Variants in TNNI3K observed in about 807,000 individuals in gnomAD.
TNNI3K encodes TNNI3 interacting kinase.
TNNI3K carries 140 observed loss-of-function variants against 114.5 expected under a neutral mutation model. The ratio of observed to expected loss-of-function variants is 1.22; its 90% CI spans 1.07 to 1.41. The LOEUF (loss-of-function observed/expected upper bound fraction) is 1.41, where lower values mean the gene tolerates loss of function less well. TNNI3K is among the 40% of genes most tolerant of loss of function. The pLI is 0.00. For synonymous variants in TNNI3K, 347 were observed against 347.5 expected, an observed-to-expected ratio of 1.00 and a Z score of 0.02; for missense variants, 1,125 against 1,007.6, an observed-to-expected ratio of 1.12 and a Z score of -1.58.
chr1:74,488,094 G>C (rs1359447514), intron 21 of TNNI3K, among the ~76,000 whole-genome samples: 1 of 152,188 alleles, frequency 6.6e-6, no homozygotes, highest in Admixed American at 6.6e-5. Flanking sequence ...ACAAAGAGTA[G>C]TGTTAGAGAG....
intron 23 of TNNI3K, among the ~76,000 whole-genome samples, chr1:74,506,002 T>C (rs1420565227): frequency 6.6e-6 from 1 of 152,218 alleles, no homozygotes; most frequent in East Asian, 1.9e-4. Flanking sequence ...TTTTGTTTTT[T>C]TGGCCTTCAT....
At chr1:74,341,417 C>T (rs923188597) in intron 7 of TNNI3K, among the ~76,000 whole-genome samples, 2 of 152,050 alleles carry the variant, frequency 1.3e-5, no homozygotes, top group Non-Finnish European at 2.9e-5. Context: ...TTTCAGCATC[C>T]CTGGAACAAT....
At chr1:74,337,004 A>G (rs904680785) in intron 7 of TNNI3K, among the ~76,000 whole-genome samples, 2 of 151,112 alleles carry the variant, frequency 1.3e-5, no homozygotes, top group Non-Finnish European at 3.0e-5. Context: ...CATCCTCTCC[A>G]GCACCTGTTG....
intron 20 of TNNI3K, among the ~76,000 whole-genome samples, chr1:74,445,584 T>G (rs1193897859): frequency 4.0e-5 from 6 of 151,056 alleles, no homozygotes; most frequent in Non-Finnish European, 4.4e-5. Flanking sequence ...TATTCCATGG[T>G]GTATATGTTC....
At chr1:74,474,345 C>G (rs1668078455) in intron 21 of TNNI3K, among the ~76,000 whole-genome samples, 1 of 152,172 alleles carries the variant, frequency 6.6e-6, no homozygotes, top group South Asian at 2.1e-4. Context: ...TGTGTGAAAT[C>G]ATCAACCCCC....
intron 23 of TNNI3K, among the ~76,000 whole-genome samples, chr1:74,526,195 G>A (rs1646502450): frequency 6.6e-6 from 1 of 152,132 alleles, no homozygotes; most frequent in African/African-American, 2.4e-5. Context: ...AAGAACAAAG[G>A]AACATGGAAT....
At chr1:74,284,268 C>G (rs1007893146) in intron 5 of TNNI3K, among the ~76,000 whole-genome samples, 4 of 152,086 alleles carry the variant, frequency 2.6e-5, no homozygotes, top group African/African-American at 9.7e-5. Flanking sequence ...AGTTGTTCTT[C>G]TTGATGACTC....
intron 20 of TNNI3K, among the ~76,000 whole-genome samples, chr1:74,455,204 A>T (rs186053614): frequency 6.6e-6 from 1 of 152,288 alleles, no homozygotes; most frequent in East Asian, 1.9e-4. Flanking sequence ...AAACTGGAGG[A>T]AGTAAAAGGA....
chr1:74,329,227 G>A (rs905705636), intron 5 of TNNI3K, among the ~76,000 whole-genome samples: 1 of 152,058 alleles, frequency 6.6e-6, no homozygotes, highest in Admixed American at 6.6e-5. Context: ...TTAAAATGGA[G>A]AGGAGCACCT....
chr1:74,449,538 C>G (rs1666889127), intron 20 of TNNI3K, among the ~76,000 whole-genome samples: 1 of 151,252 alleles, frequency 6.6e-6, no homozygotes, highest in Admixed American at 6.6e-5. Context: ...CACATAGGCT[C>G]AAAATAAAAG....
intron 11 of TNNI3K, among the ~76,000 whole-genome samples, chr1:74,363,553 G>A (rs1344909971): frequency 6.6e-6 from 1 of 151,912 alleles, no homozygotes; most frequent in Non-Finnish European, 1.5e-5. Flanking sequence ...TAACATCAAG[G>A]GTGTGATCAC....
At chr1:74,406,301 A>G (rs1664609823) in intron 17 of TNNI3K, among the ~76,000 whole-genome samples, 1 of 152,190 alleles carries the variant, frequency 6.6e-6, no homozygotes, top group African/African-American at 2.4e-5. Flanking sequence ...CTTTCTTAAA[A>G]CATTACGAGT....
At chr1:74,525,873 C>A (rs1570742490) in intron 23 of TNNI3K, among the ~76,000 whole-genome samples, 1 of 152,152 alleles carries the variant, frequency 6.6e-6, no homozygotes, top group African/African-American at 2.4e-5. Flanking sequence ...GGGGTAAGAA[C>A]CCCCACATTA....
In TNNI3K at chr1:74,463,528, G is replaced by C. The variant is rs202055411; in HGVS notation, c.2099G>C (p.Arg700Pro). The change falls in exon 21 of 25, where the codon CGA becomes CCA. Residue 700 changes from arginine to proline, a missense_variant. Transcript: ENST00000326637. ...AAGCCCATATCATCTCTGCTGATAC[G>C]AGGGTGGAACGCATGTCCTGAAGTG... ...IPKPISSLLIRGWNACPEGRP... is the reference protein window; with the variant it reads ...IPKPISSLLIPGWNACPEGRP... 2 of 1,614,060 alleles carry C rather than the reference G, an allele frequency of 1.2e-6. No homozygotes were observed. The highest frequency in any genetic ancestry group is 1.7e-6 in the Non-Finnish European group (2 of 1,180,042).
In TNNI3K at chr1:74,336,184, T is replaced by A. The variant is rs1193362320; in HGVS notation, c.682+35T>A. 3.2e-6 allele frequency: 5 copies of A among 1,580,908 alleles called. No homozygotes were observed. The Admixed American group carries it at 8.0e-5, about 25-fold the overall frequency. On this transcript the variant is annotated intron_variant, in intron 7 of 24. Coordinates refer to ENST00000326637, the MANE Select transcript of TNNI3K (RefSeq NM_015978.3). ...TATATTTAAAAGACCTTTGCTATCA[T>A]TTGCTTTATGTATACCTTTTACTTG...
At chr1:74,531,186 G>A (rs1646578145) in intron 23 of TNNI3K, among the ~76,000 whole-genome samples, 1 of 152,118 alleles carries the variant, frequency 6.6e-6, no homozygotes. Context: ...ACTAACCTCT[G>A]GCCCCATTAA....
At chr1:74,265,208 A>G (rs954579413) in intron 4 of TNNI3K, among the ~76,000 whole-genome samples, 4 of 152,010 alleles carry the variant, frequency 2.6e-5, no homozygotes, top group African/African-American at 9.7e-5. Context: ...AGAATGTAGG[A>G]GTACAAGAGG....
At position 74,347,254 on chromosome 1, in the gene TNNI3K, G is replaced by A. The variant is rs569340550; in HGVS notation, c.932+4075G>A. ...CTATGAGTGAGAACATGCAGTGTTT[G>A]GTTTTTTATCCTTGTGATACTTTGC... On this transcript the variant is annotated intron_variant, in intron 9 of 24. Coordinates refer to ENST00000326637, the MANE Select transcript of TNNI3K (RefSeq NM_015978.3). 2.6e-3 allele frequency among the ~76,000 whole-genome samples: 387 copies of A among 148,134 alleles called. 1 individual carries two copies. The highest frequency in any genetic ancestry group is 9.4e-3 in the African/African-American group (378 of 40,074).
At chr1:74,464,861 A>G (rs1440338596) in intron 21 of TNNI3K, 5 of 1,389,146 alleles carry the variant, frequency 3.6e-6, no homozygotes, top group Admixed American at 2.9e-5. Flanking sequence ...GTTCACTGCT[A>G]TAACACTAAC....
Sources: allele counts gnomAD v4.1 joint callset (sites outside exome capture counted in the v4.1 genomes callset), GRCh38; gene constraint gnomAD v4.1.1; transcripts MANE v1.5; gene names NCBI Gene and HGNC (gene_info 2026-07-23, HGNC 2026-07-21).